Variants in KLK5 observed in about 807,000 individuals in gnomAD.
KLK5 encodes the protein kallikrein related peptidase 5.
Under a neutral mutation model 24.0 loss-of-function variants are expected in KLK5, and 18 were observed. The ratio of observed to expected loss-of-function variants is 0.75; its 90% CI spans 0.52 to 1.11. The LOEUF is 1.11. Among genes scored for constraint, KLK5 ranks in the 50% most tolerant of loss-of-function variants. The pLI is 0.00. For synonymous variants in KLK5, 140 were observed against 154.0 expected (o/e 0.91, Z 0.67); for missense variants, 374 against 379.2 (o/e 0.99, Z 0.11).
intron 5 of KLK5, among the ~76,000 whole-genome samples, chr19:50,946,765 C>T (rs928480098): frequency 1.6e-4 from 24 of 152,168 alleles, no homozygotes; most frequent in Middle Eastern, 3.4e-3. Context: ...TTCACCGTGT[C>T]AGCCAGGATG....
intron 5 of KLK5, among the ~76,000 whole-genome samples, chr19:50,945,186 G>A (rs887572462): frequency 1.0e-4 from 15 of 150,234 alleles, no homozygotes; most frequent in Non-Finnish European, 1.3e-4. Context: ...ATGGCTTACC[G>A]CAGCCTCAAA....
intron 1 of KLK5, 30 bp downstream of exon 1, chr19:50,952,717 C>T (rs2090698812): frequency 1.5e-6 from 2 of 1,359,154 alleles, no homozygotes; most frequent in African/African-American, 1.5e-5. Flanking sequence ...ATCCGGGGAG[C>T]CCTTAACCCA....
intron 3 of KLK5, 32 bp downstream of exon 3, chr19:50,949,823 C>A: frequency 9.8e-7 from 1 of 1,021,890 alleles, no homozygotes. Context: ...TTCCCCGTCC[C>A]CACCAACCCT....
chr19:50,952,706 G>T, intron 1 of KLK5, 38 bp from the exon 2 acceptor site: 2 of 1,462,754 alleles, frequency 1.4e-6, no homozygotes, highest in Non-Finnish European at 1.9e-6. Flanking sequence ...AGGCCCAGGC[G>T]ATCCGGGGAG....
In KLK5 at chr19:50,943,593, G is replaced by A. The variant is rs1408129822; in HGVS notation, c.*38C>T. On this transcript the variant is annotated 3_prime_UTR_variant, in exon 6 of 6. Coordinates refer to ENST00000336334, the MANE Select transcript of KLK5 (RefSeq NM_012427.5). Reference sequence around the variant, plus strand: ...AAGGAGTGTCAGGGCTGTCCCTGCAGCAGGTGGGGATGCCGGTGTGCTGAG... The same window carrying A: ...AAGGAGTGTCAGGGCTGTCCCTGCAACAGGTGGGGATGCCGGTGTGCTGAG... 1 of 1,589,086 alleles carries A rather than the reference G, an allele frequency of 6.3e-7. No homozygotes were observed. Among genetic ancestry groups the A allele is most frequent in the Non-Finnish European group, 8.6e-7 (1 of 1,160,020 alleles).
chr19:50,950,224 TGAGGGGGCAG>T (rs2090675580), intron 2 of KLK5, 108 bp from the exon 3 acceptor site: 1 of 1,073,260 alleles, frequency 9.3e-7, no homozygotes, highest in Non-Finnish European at 1.4e-6. Context: ...TCTGACATGC[TGAGGGGGCAG>T]GGGCAGGGCC....
At chr19:50,946,315 C>T (rs974153459) in intron 5 of KLK5, among the ~76,000 whole-genome samples, 1 of 152,182 alleles carries the variant, frequency 6.6e-6, no homozygotes, top group Non-Finnish European at 1.5e-5. Flanking sequence ...GGCATGCAAA[C>T]CACTTAAAAC....
chr19:50,950,453 A>G (rs2090677357), intron 2 of KLK5: 3 of 405,212 alleles, frequency 7.4e-6, no homozygotes, highest in African/African-American at 6.1e-5. Context: ...GATGGGAGGG[A>G]GACCAGGGCT....
chr19:50,949,820 T>G, intron 3 of KLK5, 35 bp downstream of exon 3: 20 of 323,098 alleles, frequency 6.2e-5, no homozygotes, highest in Non-Finnish European at 9.6e-5. Flanking sequence ...CACTTCCCCG[T>G]CCCCACCAAC....
At chr19:50,949,800 C>CCAGCCCTCCCCCCCATGACAA in intron 3 of KLK5, 55 bp downstream of exon 3, 2 of 235,566 alleles carry the variant, frequency 8.5e-6, no homozygotes, top group Non-Finnish European at 7.3e-6. Context: ...CACTTCCCCA[C>CCAGCCCTCCCCCCCATGACAA]CCCCACCCCC....
chr19:50,946,569 T>G (rs370868058), intron 5 of KLK5, among the ~76,000 whole-genome samples: 1 of 82,430 alleles, frequency 1.2e-5, no homozygotes, highest in African/African-American at 1.8e-4. Context: ...CTTTTCTTTT[T>G]TTTTTTTTGA....
rs117067639 is a variant in KLK5 at position 50,949,101 on chromosome 19, C to T, written c.350G>A (p.Arg117His). The T allele has an allele frequency of 6.3e-4, 1,012 of 1,612,422 alleles. 5 individuals carry two copies. Among genetic ancestry groups the T allele is most frequent in the South Asian group, 4.1e-3 (373 of 91,020 alleles). The change falls in exon 4 of 6, where the codon CGT (arginine) becomes CAT (histidine). Residue 117 changes from arginine to histidine, a missense_variant. Transcript: ENST00000336334. Reference sequence around the variant, plus strand: ...TGGTGACAGGGAGTAGTGGCCGAGACGGACTCTGAAAACTCTGAGGAAGAT... The same window carrying T: ...TGGTGACAGGGAGTAGTGGCCGAGATGGACTCTGAAAACTCTGAGGAAGAT... ...AHCRKKVFRV[R>H]LGHYSLSPVY...
chr19:50,949,220 C>T, intron 3 of KLK5, 105 bp from the exon 4 acceptor site: 1 of 1,161,720 alleles, frequency 8.6e-7, no homozygotes, highest in Non-Finnish European at 1.2e-6. Flanking sequence ...ATCCCCACCC[C>T]CGGTCCCCAA....
At chr19:50,949,791 ACTTCCC>A in intron 3 of KLK5, 58 bp downstream of exon 3, 2 of 71,648 alleles carry the variant, frequency 2.8e-5, no homozygotes, top group Non-Finnish European at 4.8e-5. Context: ...CCCCACCCCC[ACTTCCC>A]CACCCCCACC....
intron 3 of KLK5, among the ~76,000 whole-genome samples, 180 bp downstream of exon 3, chr19:50,949,675 A>C: frequency 7.9e-6 from 1 of 126,960 alleles, no homozygotes; most frequent in South Asian, 2.6e-4. Flanking sequence ...CCCCAACTCG[A>C]CCTCCTCCTG....
intron 2 of KLK5, among the ~76,000 whole-genome samples, chr19:50,950,927 G>GTTC (rs980499168): frequency 2.0e-4 from 31 of 152,040 alleles, no homozygotes; most frequent in Non-Finnish European, 1.5e-4. Context: ...TTTGAAGGGG[G>GTTC]TTCTAGAAGG....
At chr19:50,952,562 T>C in intron 2 of KLK5, 23 bp downstream of exon 2, 1 of 1,218,288 alleles carries the variant, frequency 8.2e-7, no homozygotes. Context: ...CCCACAACCC[T>C]CCCACCCCAG....
rs1568526340 is a variant in KLK5, at chr19:50,945,079, CTCTCT to C, written c.727-1298_727-1294del. 6.4e-4 allele frequency among the ~76,000 whole-genome samples: 93 copies of C among 145,076 alleles called. 1 individual carries two copies. The East Asian group carries it at 0.015, about 23-fold the overall frequency. On this transcript the variant is annotated intron_variant, in intron 5 of 5. Coordinates refer to ENST00000336334, the MANE Select transcript of KLK5 (RefSeq NM_012427.5). Reference sequence around the variant, plus strand: ...TTCTTTCTCCTTCCTTCCTTCCTTTCTCTCTCCTTCCTCCCTTCGTCTCTTTTTTT... The same window carrying C: ...TTCTTTCTCCTTCCTTCCTTCCTTTCCCTTCCTCCCTTCGTCTCTTTTTTT...
Position 50,952,662 on chromosome 19 carries a change from G to T in KLK5, c.-5C>A, listed in dbSNP as rs199936760. On this transcript the variant is annotated 5_prime_UTR_variant, in exon 2 of 6. Transcript: ENST00000336334. The stretch of plus-strand genomic sequence containing the variant: ...GGGGGGTCTTGCTGTAGCCATGGCC[G>T]CTGCACCTGGATGGGGAATGTCAGA... The T allele has an allele frequency of 1.7e-5, 27 of 1,592,198 alleles. No homozygotes were observed. The highest frequency in any genetic ancestry group is 2.1e-5 in the Non-Finnish European group (25 of 1,169,176).
Sources: gnomAD v4.1 joint callset for allele counts (sites outside exome capture counted in the v4.1 genomes callset) on GRCh38, gnomAD v4.1.1 for gene constraint, MANE v1.5 for transcripts, NCBI Gene and HGNC (gene_info 2026-07-23, HGNC 2026-07-21) for gene names.